NPSR1: variants seen among roughly 807,000 people sequenced by gnomAD.
The protein encoded by NPSR1 is neuropeptide S receptor.
NPSR1 carries 48 observed loss-of-function variants against 46.9 expected under a neutral mutation model. The observed-to-expected ratio is 1.02, with a 90% CI of 0.81 to 1.30. The LOEUF (loss-of-function observed/expected upper bound fraction) is 1.30. Among genes scored for constraint, NPSR1 ranks in the 50% most tolerant of loss-of-function variants. NPSR1 has a pLI of 0.00. For missense variants in NPSR1, 450 were observed against 449.5 expected (o/e 1.00, Z -0.01); for synonymous variants, 176 against 168.1 (o/e 1.05, Z -0.36).
intron 6 of NPSR1, among the ~76,000 whole-genome samples, chr7:34,844,275 G>A (rs1790672305): frequency 6.6e-6 from 1 of 152,126 alleles, no homozygotes; most frequent in Admixed American, 6.5e-5. Flanking sequence ...TTAGGCTACA[G>A]GAGTGCGAAA....
chr7:34,672,002 A>C (rs1002754431), intron 1 of NPSR1, among the ~76,000 whole-genome samples: 1 of 152,238 alleles, frequency 6.6e-6, no homozygotes, highest in Non-Finnish European at 1.5e-5. Flanking sequence ...ATCATCAGGA[A>C]TAATACATTC....
chr7:34,819,256 G>T (rs1247836556), intron 4 of NPSR1, among the ~76,000 whole-genome samples: 1 of 152,128 alleles, frequency 6.6e-6, no homozygotes, highest in East Asian at 1.9e-4. Context: ...GTGGGCAAAG[G>T]ATATGAACAG....
chr7:34,664,015 C>A (rs970453050), intron 1 of NPSR1, among the ~76,000 whole-genome samples: 1 of 152,186 alleles, frequency 6.6e-6, no homozygotes, highest in Non-Finnish European at 1.5e-5. Context: ...TGCCATCCTT[C>A]AAATAATTTC....
intron 8 of NPSR1, among the ~76,000 whole-genome samples, chr7:34,865,100 A>T (rs1791281492): frequency 6.6e-6 from 1 of 151,930 alleles, no homozygotes; most frequent in African/African-American, 2.4e-5. Context: ...AGGGCTTAGA[A>T]GAGGGCAAAG....
At chr7:34,689,168 A>C (rs1583813300) in intron 2 of NPSR1, among the ~76,000 whole-genome samples, 2 of 152,316 alleles carry the variant, frequency 1.3e-5, no homozygotes. Context: ...ACCACTGTGC[A>C]TTTCACAGAT....
At chr7:34,740,538 A>G (rs1274070010) in intron 2 of NPSR1, among the ~76,000 whole-genome samples, 1 of 152,116 alleles carries the variant, frequency 6.6e-6, no homozygotes, top group Non-Finnish European at 1.5e-5. Context: ...CAAGGCAGAA[A>G]TGGCTTGTTA....
At chr7:34,841,650 G>A (rs1312158979) in intron 6 of NPSR1, among the ~76,000 whole-genome samples, 3 of 152,200 alleles carry the variant, frequency 2.0e-5, no homozygotes, top group African/African-American at 2.4e-5. Context: ...TTAGAAGCTA[G>A]AGGCTTTGCA....
At chr7:34,709,958 AG>A (rs1329582965) in intron 2 of NPSR1, among the ~76,000 whole-genome samples, 2 of 152,202 alleles carry the variant, frequency 1.3e-5, no homozygotes, top group Non-Finnish European at 2.9e-5. Context: ...CTTCTGGGCT[AG>A]TTCCTGGAAA....
At chr7:34,844,834 C>G in intron 6 of NPSR1, 62 bp from the exon 7 acceptor site, 1 of 1,049,108 alleles carries the variant, frequency 9.5e-7, no homozygotes, top group Non-Finnish European at 1.5e-6. Context: ...TTCCTATTGG[C>G]TGAAACAGAA....
At chr7:34,759,902 C>T (rs1384361376) in intron 2 of NPSR1, among the ~76,000 whole-genome samples, 13 of 152,172 alleles carry the variant, frequency 8.5e-5, no homozygotes, top group Admixed American at 8.5e-4. Flanking sequence ...AGAATTGCCC[C>T]ATAAGTAGCA....
intron 8 of NPSR1, among the ~76,000 whole-genome samples, chr7:34,871,785 T>C (rs1166684497): frequency 6.6e-6 from 1 of 151,986 alleles, no homozygotes; most frequent in African/African-American, 2.4e-5. Flanking sequence ...CACCCTGGTA[T>C]GATGGGTGGG....
intron 1 of NPSR1, among the ~76,000 whole-genome samples, chr7:34,679,766 C>T (rs1298938044): frequency 6.6e-6 from 1 of 151,606 alleles, no homozygotes; most frequent in Non-Finnish European, 1.5e-5. Flanking sequence ...AATGTGTAAA[C>T]AAAAATTATT....
chr7:34,793,796 A>G (rs186750598), intron 3 of NPSR1, among the ~76,000 whole-genome samples: 1 of 152,338 alleles, frequency 6.6e-6, no homozygotes, highest in Non-Finnish European at 1.5e-5. Context: ...ACTATTCATA[A>G]TAGCCAAGAT....
intron 2 of NPSR1, among the ~76,000 whole-genome samples, 176 bp downstream of exon 2, chr7:34,684,860 A>C (rs1452674065): frequency 6.6e-6 from 1 of 152,248 alleles, no homozygotes; most frequent in African/African-American, 2.4e-5. Context: ...CTTAACACAT[A>C]TGAATGCCTC....
chr7:34,799,704 T>A (rs1203557689), intron 3 of NPSR1, among the ~76,000 whole-genome samples: 1 of 138,904 alleles, frequency 7.2e-6, no homozygotes, highest in Non-Finnish European at 1.5e-5. Context: ...AGGATCAAAT[T>A]TACACATAAC....
chr7:34,753,999 C>G (rs1043055180), intron 2 of NPSR1, among the ~76,000 whole-genome samples: 1 of 152,110 alleles, frequency 6.6e-6, no homozygotes, highest in Non-Finnish European at 1.5e-5. Context: ...GTCAGACCAG[C>G]ACTAGAAGAA....
At position 34,864,336 on chromosome 7, in the gene NPSR1, C is replaced by T. The variant is rs182060351; in HGVS notation, c.1026-13740C>T. Among the ~76,000 whole-genome samples the T allele has an allele frequency of 5.4e-5, 8 of 149,204 alleles. 1 individual carries two copies. The highest frequency in any genetic ancestry group is 7.5e-5 in the African/African-American group (3 of 39,876). On this transcript the variant is annotated intron_variant, in intron 8 of 8. Transcript: ENST00000359791. ...TGTATACCTATGTAACAAACCTGCA[C>T]GTTCTGCACATGTATCCCAGAACTT...
chr7:34,843,511 G>A lies in NPSR1; in HGVS notation c.758-1385G>A, dbSNP rs527571603. On this transcript the variant is annotated intron_variant, in intron 6 of 8. Transcript: ENST00000360581. ...CAATTAAATTTACACATGAGTTTTC[G>A]CAGGGACATTCAAACCATAGCAGCA... 5.1e-4 allele frequency among the ~76,000 whole-genome samples: 78 copies of A among 152,290 alleles called. 1 individual carries two copies. Among genetic ancestry groups the A allele is most frequent in the African/African-American group, 1.6e-3 (67 of 41,568 alleles).
At chr7:34,766,377 T>A (rs76841252) in intron 2 of NPSR1, among the ~76,000 whole-genome samples, 3,445 of 152,304 alleles carry the variant, frequency 0.023, 119 homozygotes, top group African/African-American at 0.078. Context: ...AATGAAAATT[T>A]ATATTCACAC....
Sources: gnomAD v4.1 joint callset for allele counts (sites outside exome capture counted in the v4.1 genomes callset) on GRCh38, gnomAD v4.1.1 for gene constraint, MANE v1.5 for transcripts, NCBI Gene and HGNC (gene_info 2026-07-23, HGNC 2026-07-21) for gene names.